The following ARMC10 variants were observed in gnomAD, a reference collection of about 807,000 sequenced individuals.
ARMC10 encodes armadillo repeat-containing protein 10.
In ARMC10, 23 loss-of-function variants were observed where a neutral mutation model predicts 30.2. The ratio of observed to expected loss-of-function variants is 0.76; its 90% CI spans 0.55 to 1.08. The LOEUF (loss-of-function observed/expected upper bound fraction) is 1.08, where lower values mean the gene tolerates loss of function less well. Ranked by LOEUF, ARMC10 falls within the 50% of genes least tolerant of loss-of-function variation. The pLI is 0.00. For synonymous variants in ARMC10, 111 were observed against 164.4 expected, an observed-to-expected ratio of 0.68 and a Z score of 2.48; for missense variants, 303 against 413.7, an observed-to-expected ratio of 0.73 and a Z score of 2.32.
chr7:103,090,031 T>A (rs1340687258), intron 4 of ARMC10, among the ~76,000 whole-genome samples: 1 of 152,148 alleles, frequency 6.6e-6, no homozygotes, highest in Non-Finnish European at 1.5e-5. Context: ...ATCCAAAAGT[T>A]TCTGTAAGAG....
chr7:103,088,091 A>G (rs552902325), intron 4 of ARMC10, among the ~76,000 whole-genome samples: 18 of 152,322 alleles, frequency 1.2e-4, no homozygotes, highest in Admixed American at 6.5e-4. Flanking sequence ...GTCATTGACA[A>G]TCAATTAGAA....
chr7:103,088,749 G>T, intron 4 of ARMC10: 1 of 189,832 alleles, frequency 5.3e-6, no homozygotes, highest in South Asian at 1.2e-4. Flanking sequence ...AACATATAGT[G>T]AGAACTTATT....
chr7:103,089,633 GA>G (rs1801142155), intron 4 of ARMC10: 2 of 153,384 alleles, frequency 1.3e-5, no homozygotes, highest in African/African-American at 4.8e-5. Flanking sequence ...AAAAGCTCTA[GA>G]GTGGGAATCA....
chr7:103,080,187 G>C (rs763537526), intron 2 of ARMC10, among the ~76,000 whole-genome samples: 2 of 152,142 alleles, frequency 1.3e-5, no homozygotes, highest in African/African-American at 4.8e-5. Flanking sequence ...TTTGATGATC[G>C]CCCTCCTGTA....
At position 103,089,984 on chromosome 7, in the gene ARMC10, GT is replaced by G. The variant is rs1801170313; in HGVS notation, c.529-2492del. 2.0e-5 allele frequency among the ~76,000 whole-genome samples: 3 copies of G among 152,138 alleles called. No homozygotes were observed. The South Asian group carries it at 6.2e-4, about 32-fold the overall frequency. On this transcript the variant is annotated intron_variant, in intron 4 of 6. Transcript: ENST00000323716. ...TGAAGTCCTTTAAAGAAAAATGTAAGTAAAACATGATTGAGTACATAGAAAG... is the reference window on the plus strand; with the variant it reads ...TGAAGTCCTTTAAAGAAAAATGTAAGAAAACATGATTGAGTACATAGAAAG...
chr7:103,084,578 A>C (rs904192834), intron 3 of ARMC10, among the ~76,000 whole-genome samples: 2 of 152,188 alleles, frequency 1.3e-5, no homozygotes, highest in Non-Finnish European at 2.9e-5. Flanking sequence ...TTTAAGCCTA[A>C]AAGGGAAAAT....
At chr7:103,079,668 G>A (rs1329020413) in intron 2 of ARMC10, among the ~76,000 whole-genome samples, 1 of 152,130 alleles carries the variant, frequency 6.6e-6, no homozygotes, top group African/African-American at 2.4e-5. Flanking sequence ...GAAGCAATGA[G>A]TTTAATAAAA....
intron 2 of ARMC10, among the ~76,000 whole-genome samples, chr7:103,078,992 G>C (rs1464100053): frequency 1.3e-5 from 2 of 152,110 alleles, no homozygotes; most frequent in South Asian, 2.1e-4. Context: ...CTGGACAAAA[G>C]AGCAAGACTC....
intron 5 of ARMC10, chr7:103,096,304 C>G (rs1476856714): frequency 6.6e-6 from 1 of 152,148 alleles, no homozygotes; most frequent in African/African-American, 2.4e-5. Context: ...AGTTCAAGAC[C>G]AGCTTCAGCA....
At position 103,075,400 on chromosome 7, in the gene ARMC10, C is replaced by G. The variant is rs757561720; in HGVS notation, c.128C>G (p.Ser43Trp). ...GACCGCGAGCTCGGGATACGCTCTT[C>G]GAAGTCCGCAGGTGGGACCCCGGGG... ...RGDRELGIRS[S>W]KSAGALEEGT... The change falls in exon 1 of 7, where the codon TCG becomes TGG. Residue 43 changes from serine to tryptophan, a missense_variant. Physicochemically the swap from Ser to Trp is radical, Grantham distance 177. Around this residue, in one of 4 missense-constraint regions of ARMC10, gnomAD observed 96 missense variants for 84.2 expected, o/e 1.14. Transcript: ENST00000323716. 1 of 1,291,388 alleles carries G rather than the reference C, an allele frequency of 7.7e-7. No homozygotes were observed. Among genetic ancestry groups the G allele is most frequent in the South Asian group, 3.4e-5 (1 of 29,462 alleles). The allele number at this position is 1,291,388 out of a possible 1,614,324, so 80.0% of individuals were successfully genotyped here. A position where few individuals can be genotyped will look rare whatever the true frequency, so the allele number is the denominator to read the frequency against.
At chr7:103,097,738 T>C (rs1270569411) in intron 6 of ARMC10, among the ~76,000 whole-genome samples, 2 of 152,174 alleles carry the variant, frequency 1.3e-5, no homozygotes, top group Non-Finnish European at 2.9e-5. Context: ...CAGCGTGACA[T>C]GGTACATGTC....
In ARMC10 at chr7:103,075,761, C is replaced by A; in HGVS notation, c.140-16C>A. ...TGTTGAGGGGCCCAGAGCCATAGGT[C>A]AATCTCTGCTTGCAGGTGCCCTGGA... On this transcript the variant is annotated splice_polypyrimidine_tract_variant and intron_variant, in intron 1 of 6. Coordinates refer to ENST00000323716, the MANE Select transcript of ARMC10 (RefSeq NM_031905.5). 1.3e-6 allele frequency: 2 copies of A among 1,590,044 alleles called. No homozygotes were observed. Among genetic ancestry groups the A allele is most frequent in the Non-Finnish European group, 8.6e-7 (1 of 1,166,796 alleles).
At chr7:103,088,639 C>A in intron 4 of ARMC10, 1 of 191,564 alleles carries the variant, frequency 5.2e-6, no homozygotes, top group African/African-American at 2.4e-5. Flanking sequence ...AAGACAACCT[C>A]TGAAATCCAT....
At chr7:103,098,200 A>G (rs1801937773) in intron 6 of ARMC10, 99 bp from the exon 7 acceptor site, 2 of 1,152,128 alleles carry the variant, frequency 1.7e-6, no homozygotes, top group African/African-American at 3.2e-5. Flanking sequence ...AAATTTTAAA[A>G]TGTGAGTTAT....
intron 4 of ARMC10, chr7:103,087,887 A>G: frequency 5.5e-6 from 3 of 550,028 alleles, no homozygotes; most frequent in Non-Finnish European, 6.9e-6. Flanking sequence ...CTATGAAGCA[A>G]AAGCAGACCA....
At chr7:103,089,319 TC>T in intron 4 of ARMC10, 3 of 185,426 alleles carry the variant, frequency 1.6e-5, no homozygotes, top group South Asian at 1.1e-4. Context: ...CGTAATCTGC[TC>T]CCAGAGATTG....
intron 3 of ARMC10, among the ~76,000 whole-genome samples, chr7:103,085,852 T>C (rs980508801): frequency 1.3e-5 from 2 of 152,100 alleles, no homozygotes; most frequent in African/African-American, 2.4e-5. Context: ...TCACCTCAAG[T>C]GTTCCACTCA....
intron 2 of ARMC10, among the ~76,000 whole-genome samples, chr7:103,076,666 C>G (rs1799874019): frequency 1.3e-5 from 2 of 152,188 alleles, no homozygotes; most frequent in African/African-American, 4.8e-5. Context: ...GAAGCCCCAT[C>G]TCTACTAAAA....
At chr7:103,093,460 G>A (rs1801520469) in intron 5 of ARMC10, among the ~76,000 whole-genome samples, 1 of 152,164 alleles carries the variant, frequency 6.6e-6, no homozygotes, top group African/African-American at 2.4e-5. Flanking sequence ...CTGCTTTTAT[G>A]TTTCCAAGGT....
Sources: allele counts gnomAD v4.1 joint callset (sites outside exome capture counted in the v4.1 genomes callset), GRCh38; gene constraint gnomAD v4.1.1; regional missense constraint gnomAD v4.1.1; transcripts MANE v1.5; gene names NCBI Gene and HGNC (gene_info 2026-07-23, HGNC 2026-07-21).